The following RBFOX3 variants were observed in gnomAD, a reference collection of about 807,000 sequenced individuals.
RBFOX3 encodes RNA binding fox-1 homolog 3.
Under a neutral mutation model 48.7 loss-of-function variants are expected in RBFOX3, and 17 were observed. The ratio of observed to expected loss-of-function variants is 0.35; its 90% CI spans 0.24 to 0.52. The LOEUF (loss-of-function observed/expected upper bound fraction) is 0.52, where lower values mean the gene tolerates loss of function less well. Among genes scored for constraint, RBFOX3 ranks in the 20% least tolerant of loss-of-function variants. The probability of loss-of-function intolerance (pLI) is 0.94; values close to 1 mark genes in which losing one functional copy is unlikely to be tolerated. For missense variants in RBFOX3, 382 were observed against 497.5 expected (o/e 0.77, Z 2.21); for synonymous variants, 212 against 209.5 (o/e 1.01, Z -0.10).
chr17:79,178,469 G>C (rs574390672), intron 4 of RBFOX3, among the ~76,000 whole-genome samples: 1 of 152,176 alleles, frequency 6.6e-6, no homozygotes, highest in Non-Finnish European at 1.5e-5. Flanking sequence ...ACATGGACTC[G>C]AGCCCCAATT....
intron 6 of RBFOX3, 47 bp from the exon 7 acceptor site, chr17:79,104,173 G>T (rs796902061): frequency 2.0e-6 from 3 of 1,474,782 alleles, no homozygotes; most frequent in Non-Finnish European, 2.8e-6. Flanking sequence ...AGGAAAGTGC[G>T]GGTTAAGACT....
At chr17:79,112,278 C>G (rs2031981317) in intron 5 of RBFOX3, among the ~76,000 whole-genome samples, 1 of 152,166 alleles carries the variant, frequency 6.6e-6, no homozygotes, top group African/African-American at 2.4e-5. Flanking sequence ...CCCAGGAACC[C>G]CATGTTTCTC....
At chr17:79,115,806 T>C in intron 4 of RBFOX3, 58 bp from the exon 5 acceptor site, 2 of 596,574 alleles carry the variant, frequency 3.4e-6, no homozygotes, top group Non-Finnish European at 3.0e-6. Flanking sequence ...CCGGAGCCCC[T>C]GAGGATGGGG....
At position 79,364,516 on chromosome 17, in the gene RBFOX3, G is replaced by A. The variant is rs958424514; in HGVS notation, c.-174-56692C>T. ...TCTCCCAGGCATCTGATGGGTCAGTGCGCAGTTAATGAGTGTGTTGACTGC... is the reference window on the plus strand; with the variant it reads ...TCTCCCAGGCATCTGATGGGTCAGTACGCAGTTAATGAGTGTGTTGACTGC... On this transcript the variant is annotated intron_variant, in intron 2 of 14. Transcript: ENST00000693108. This position sits in a 1 kb window ranked among gnomAD's most constrained non-coding sequence, Gnocchi z 5.1. Among the ~76,000 whole-genome samples, 3 of 152,234 alleles carry A rather than the reference G, an allele frequency of 2.0e-5. No homozygotes were observed. The highest frequency in any genetic ancestry group is 4.4e-5 in the Non-Finnish European group (3 of 68,042).
intron 1 of RBFOX3, among the ~76,000 whole-genome samples, chr17:79,541,658 T>TA (rs1276057282): frequency 6.6e-6 from 1 of 152,194 alleles, no homozygotes; most frequent in African/African-American, 2.4e-5. Context: ...GTTACACTGT[T>TA]ACCATCAAAC....
intron 14 of RBFOX3, chr17:79,092,707 A>AG (rs2074184929): frequency 1.2e-6 from 1 of 821,110 alleles, no homozygotes; most frequent in Admixed American, 7.2e-5. Flanking sequence ...AAAAGCAAAA[A>AG]GAAAAAAAAA....
chr17:79,606,374 T>C (rs1402697821), intron 1 of RBFOX3, among the ~76,000 whole-genome samples: 1 of 152,192 alleles, frequency 6.6e-6, no homozygotes, highest in South Asian at 2.1e-4. Context: ...AAATTAAAGA[T>C]GGTGGATGGT....
chr17:79,472,250 G>C (rs2077150153), intron 2 of RBFOX3, among the ~76,000 whole-genome samples: 1 of 152,212 alleles, frequency 6.6e-6, no homozygotes, highest in Admixed American at 6.5e-5. Context: ...GGTGGCAGAG[G>C]GTTGGGAGTG....
At chr17:79,435,391 T>C (rs2069213256) in intron 2 of RBFOX3, among the ~76,000 whole-genome samples, 1 of 152,206 alleles carries the variant, frequency 6.6e-6, no homozygotes, top group Non-Finnish European at 1.5e-5. Context: ...CATGTGGCTG[T>C]CCACAGGCTG....
chr17:79,247,988 G>T (rs2063403270), intron 3 of RBFOX3, among the ~76,000 whole-genome samples: 1 of 150,892 alleles, frequency 6.6e-6, no homozygotes, highest in Non-Finnish European at 1.5e-5. Context: ...CCTTAGCACA[G>T]TGCCTGGCCC....
chr17:79,245,588 C>T (rs911163777), intron 3 of RBFOX3, among the ~76,000 whole-genome samples: 2 of 148,964 alleles, frequency 1.3e-5, no homozygotes, highest in Admixed American at 1.3e-4. Context: ...TATGGATACA[C>T]CACATTTTGT....
Position 79,443,595 on chromosome 17 carries a change from C to T in RBFOX3, c.-175+38859G>A, listed in dbSNP as rs1555736340. ...ATGGGGTTTCACCATGTTGGCCAGG[C>T]TGGCCACAAACTCCTGACCTCAGGT... is the stretch of plus-strand genomic sequence containing the variant. On this transcript the variant is annotated intron_variant, in intron 2 of 14. Transcript: ENST00000693108. The surrounding 1 kb of genome is among the most constrained non-coding windows in gnomAD (Gnocchi z 4.4). Among the ~76,000 whole-genome samples the T allele has an allele frequency of 6.6e-6, 1 of 152,122 alleles. No homozygotes were observed. The highest frequency in any genetic ancestry group is 1.5e-5 in the Non-Finnish European group (1 of 68,004).
intron 2 of RBFOX3, among the ~76,000 whole-genome samples, chr17:79,319,988 G>A (rs921692152): frequency 6.7e-6 from 1 of 150,274 alleles, no homozygotes; most frequent in Non-Finnish European, 1.5e-5. Context: ...TCTTGCCTGG[G>A]CTGCTGGTCC....
chr17:79,462,790 T>C (rs1555749887), intron 2 of RBFOX3, among the ~76,000 whole-genome samples: 1 of 152,180 alleles, frequency 6.6e-6, no homozygotes, highest in African/African-American at 2.4e-5. Flanking sequence ...CACACGTCTA[T>C]CTTTCCAACC....
intron 2 of RBFOX3, among the ~76,000 whole-genome samples, chr17:79,357,683 T>A (rs2085445166): frequency 7.9e-6 from 1 of 127,144 alleles, no homozygotes; most frequent in South Asian, 2.8e-4. Flanking sequence ...TCACTCCTCA[T>A]GCTAAATGAA....
chr17:79,513,785 G>A (rs1283552607), intron 1 of RBFOX3, among the ~76,000 whole-genome samples: 1 of 152,192 alleles, frequency 6.6e-6, no homozygotes, highest in Admixed American at 6.5e-5. Context: ...AGCCTCCTGG[G>A]GCCAGCACAC....
At chr17:79,173,165 G>A (rs1378660997) in intron 4 of RBFOX3, among the ~76,000 whole-genome samples, 1 of 151,882 alleles carries the variant, frequency 6.6e-6, no homozygotes, top group Non-Finnish European at 1.5e-5. Flanking sequence ...AGCCGAGATT[G>A]CACCACTGCA....
At chr17:79,274,970 A>G (rs1197438364) in intron 3 of RBFOX3, among the ~76,000 whole-genome samples, 3 of 81,962 alleles carry the variant, frequency 3.7e-5, no homozygotes, top group East Asian at 7.5e-4. Flanking sequence ...CCCCGCAGGC[A>G]TCCCCACCCC....
chr17:79,582,761 A>G (rs953197715), intron 1 of RBFOX3, among the ~76,000 whole-genome samples: 5,808 of 135,684 alleles, frequency 0.043, 158 homozygotes, highest in Admixed American at 0.094. Flanking sequence ...CCAGCCTGGG[A>G]GACAGAGCAA....
Sources: allele counts gnomAD v4.1 joint callset (sites outside exome capture counted in the v4.1 genomes callset), GRCh38; gene constraint gnomAD v4.1.1; non-coding constraint Gnocchi (gnomAD v3.1); transcripts MANE v1.5; gene names NCBI Gene and HGNC (gene_info 2026-07-23, HGNC 2026-07-21).